The following RGS12 variants were observed in gnomAD, a reference collection of about 807,000 sequenced individuals.
RGS12 encodes the protein regulator of G-protein signaling 12.
In RGS12, 66 loss-of-function variants were observed where a neutral mutation model predicts 120.1. The ratio of observed to expected loss-of-function variants is 0.55; its 90% CI spans 0.45 to 0.67. The LOEUF (loss-of-function observed/expected upper bound fraction) is 0.67. RGS12 is among the 30% of genes least tolerant of loss of function. The pLI is 0.00. For synonymous variants in RGS12, 827 were observed against 804.7 expected (o/e 1.03, Z -0.47); for missense variants, 1,859 against 1,957.7 (o/e 0.95, Z 0.95).
At position 3,309,556 on chromosome 4, in the gene RGS12, T is replaced by C. The variant is rs878873081; in HGVS notation, c.-101-6514T>C. Among the ~76,000 whole-genome samples the C allele has an allele frequency of 2.8e-3, 236 of 83,702 alleles. 1 individual carries two copies. The highest frequency in any genetic ancestry group is 0.012 in the African/African-American group (194 of 16,656). The allele number at this position is 83,702 out of a possible 152,430, so 54.9% of individuals were successfully genotyped here. On this transcript the variant is annotated intron_variant, in intron 1 of 17. Transcript: ENST00000336727. ...GCTGAGCAGGAGAGGAGCTGGGGCC[T>C]GGGAATGGCAGGTGTCTGCTGAGGG...
intron 3 of RGS12, among the ~76,000 whole-genome samples, chr4:3,368,396 TG>T (rs1178924037): frequency 1.5e-5 from 2 of 132,332 alleles, no homozygotes; most frequent in Non-Finnish European, 3.2e-5. Flanking sequence ...CCTGTGTGTG[TG>T]GGGTGCCTGT....
intron 2 of RGS12, among the ~76,000 whole-genome samples, chr4:3,329,611 C>A (rs887292185): frequency 6.6e-6 from 1 of 151,984 alleles, no homozygotes; most frequent in Non-Finnish European, 1.5e-5. Flanking sequence ...GTGCGGCGCA[C>A]CCGAGAGGGC....
At chr4:3,347,416 C>T (rs1268860941) in intron 3 of RGS12, among the ~76,000 whole-genome samples, 1 of 152,084 alleles carries the variant, frequency 6.6e-6, no homozygotes, top group Non-Finnish European at 1.5e-5. Context: ...TGCACTCCAG[C>T]CTAGGCAACA....
At chr4:3,379,970 A>G (rs1363029165) in intron 3 of RGS12, among the ~76,000 whole-genome samples, 2 of 152,238 alleles carry the variant, frequency 1.3e-5, no homozygotes, top group African/African-American at 2.4e-5. Context: ...GTCTTAACTC[A>G]TTCTAGCATT....
At position 3,316,347 on chromosome 4, in the gene RGS12, A is replaced by G. The variant is rs775878062; in HGVS notation, c.177A>G (p.Arg59=). 2 of 1,611,592 alleles carry G rather than the reference A, an allele frequency of 1.2e-6. No individual in the cohort carries two copies. Among genetic ancestry groups the G allele is most frequent in the South Asian group, 2.2e-5 (2 of 90,546 alleles). Residue 59 remains arginine (R), a synonymous_variant, in exon 2 of 18, where the codon CGA becomes CGG. Transcript: ENST00000336727. ...RGSPADFVGL[R]AGDQILAVNE... The stretch of plus-strand genomic sequence containing the variant: ...GCCCTGCGGATTTCGTGGGCCTCCG[A>G]GCTGGAGACCAGATACTTGCTGTCA...
At chr4:3,439,351 A>G (rs1332662444) in intron 17 of RGS12, 104 bp from the exon 18 acceptor site, 1 of 1,132,282 alleles carries the variant, frequency 8.8e-7, no homozygotes, top group East Asian at 2.4e-5. Flanking sequence ...TATTTCAGGG[A>G]CCCCTACCAT....
At chr4:3,431,757 CAG>C (rs1434245063) in intron 17 of RGS12, 3 of 985,668 alleles carry the variant, frequency 3.0e-6, no homozygotes, top group Non-Finnish European at 3.6e-6. Flanking sequence ...GGAGTGTGCT[CAG>C]GGGTGCGTGG....
intron 4 of RGS12, among the ~76,000 whole-genome samples, chr4:3,398,581 CAA>C (rs763372002): frequency 2.0e-5 from 3 of 151,826 alleles, no homozygotes; most frequent in South Asian, 4.2e-4. Flanking sequence ...TAATATCAGA[CAA>C]AGTGAAAAAG....
intron 17 of RGS12, among the ~76,000 whole-genome samples, chr4:3,437,377 G>C (rs575756125): frequency 6.6e-6 from 1 of 152,328 alleles, no homozygotes; most frequent in South Asian, 2.1e-4. Flanking sequence ...GCGGGGTAGA[G>C]CCGGGCTTCT....
chr4:3,310,978 T>C (rs1213803330), intron 1 of RGS12, among the ~76,000 whole-genome samples: 1 of 152,230 alleles, frequency 6.6e-6, no homozygotes, highest in Non-Finnish European at 1.5e-5. Flanking sequence ...CACTCCCTCA[T>C]CTGCACGCGA....
chr4:3,342,415 A>G (rs2108775890), intron 2 of RGS12: 2 of 1,257,656 alleles, frequency 1.6e-6, no homozygotes, highest in Non-Finnish European at 2.1e-6. Flanking sequence ...TTTAATAGCC[A>G]GTTATTTCCT....
At chr4:3,391,530 G>T (rs569253237) in intron 4 of RGS12, among the ~76,000 whole-genome samples, 1 of 152,328 alleles carries the variant, frequency 6.6e-6, no homozygotes, top group East Asian at 1.9e-4. Context: ...TGCCCCTGCG[G>T]CTGCATCCCC....
intron 1 of RGS12, chr4:3,314,286 C>G (rs1724594848): frequency 6.6e-6 from 1 of 152,092 alleles, no homozygotes; most frequent in South Asian, 2.1e-4. Flanking sequence ...AGTTCTGTAG[C>G]TTTTATGTGT....
At chr4:3,392,475 T>C (rs1719604158) in intron 4 of RGS12, among the ~76,000 whole-genome samples, 1 of 152,188 alleles carries the variant, frequency 6.6e-6, no homozygotes, top group African/African-American at 2.4e-5. Context: ...ATGTTCAGGC[T>C]TCTGTGTCGC....
Position 3,430,444 on chromosome 4 carries a change from A to G in RGS12, c.3603A>G (p.Arg1201=), listed in dbSNP as rs1424687901. The G allele has an allele frequency of 1.9e-6, 3 of 1,613,874 alleles. No homozygotes were observed. Among genetic ancestry groups the G allele is most frequent in the Non-Finnish European group, 2.5e-6 (3 of 1,179,966 alleles). The change falls in exon 17 of 18, where the codon AGA becomes AGG. Residue 1201 remains arginine, a synonymous_variant. Coordinates refer to ENST00000336727, the MANE Select transcript of RGS12 (RefSeq NM_001394154.1). ...TTATTTCCAAAGCTCAGAGCAACAGAGCAGATGACCAACGTGGGCTGCTAA... is the reference window on the plus strand; with the variant it reads ...TTATTTCCAAAGCTCAGAGCAACAGGGCAGATGACCAACGTGGGCTGCTAA... ...FELISKAQSN[R]ADDQRGLLRK... is the part of the protein sequence containing the mutation.
At chr4:3,383,380 G>C (rs1231782696) in intron 3 of RGS12, among the ~76,000 whole-genome samples, 1 of 152,106 alleles carries the variant, frequency 6.6e-6, no homozygotes, top group Non-Finnish European at 1.5e-5. Context: ...GTCAAGGTGG[G>C]AGGATTGCTT....
At chr4:3,357,768 C>T (rs770674170) in intron 3 of RGS12, among the ~76,000 whole-genome samples, 7 of 152,124 alleles carry the variant, frequency 4.6e-5, no homozygotes, top group Non-Finnish European at 7.4e-5. Flanking sequence ...ATTACTGTAG[C>T]TTTGAAATCA....
chr4:3,375,998 G>T (rs1300938300), intron 3 of RGS12, among the ~76,000 whole-genome samples: 3 of 152,198 alleles, frequency 2.0e-5, no homozygotes, highest in African/African-American at 4.8e-5. Flanking sequence ...GAGGGCAAAG[G>T]CCTGTGTGGT....
At position 3,316,501 on chromosome 4, in the gene RGS12, G is replaced by C. The variant is rs769800922; in HGVS notation, c.331G>C (p.Gly111Arg). 8.1e-6 allele frequency: 13 copies of C among 1,614,066 alleles called. No individual in the cohort carries two copies. The Admixed American group carries it at 2.2e-4, about 27-fold the overall frequency. ...CGAATCCTGTTCCAGTGATGAAGAA[G>C]GGGGACTCTATGAAGGAAAAGGCTG... ...RFESCSSDEE[G>R]GLYEGKGWLK... The change falls in exon 2 of 18, where the codon GGG (glycine) becomes CGG (arginine). Residue 111 changes from glycine to arginine, a missense_variant. By Grantham distance (125) the Gly-to-Arg change is moderately radical (BLOSUM62 -2). This residue lies in a region of RGS12 where 967 missense variants were observed against 994.2 expected (regional missense o/e 0.97). Transcript: ENST00000336727.
Sources: allele counts gnomAD v4.1 joint callset (sites outside exome capture counted in the v4.1 genomes callset), GRCh38; gene constraint gnomAD v4.1.1; regional missense constraint gnomAD v4.1.1; transcripts MANE v1.5; gene names NCBI Gene and HGNC (gene_info 2026-07-23, HGNC 2026-07-21).